RDH10: variants seen among roughly 807,000 people sequenced by gnomAD.
RDH10 encodes the protein retinol dehydrogenase 10 (all-trans).
In RDH10, 12 loss-of-function variants were observed where a neutral mutation model predicts 30.2. The observed-to-expected ratio is 0.40, with a 90% CI of 0.25 to 0.64. The LOEUF (loss-of-function observed/expected upper bound fraction) is 0.64. Ranked by LOEUF, RDH10 falls within the 30% of genes least tolerant of loss-of-function variation. The pLI is 0.43. For synonymous variants in RDH10, 189 were observed against 172.2 expected, an observed-to-expected ratio of 1.10 and a Z score of -0.76; for missense variants, 268 against 445.2, an observed-to-expected ratio of 0.60 and a Z score of 3.58.
chr8:73,310,010 G>A (rs1814535159), intron 2 of RDH10, among the ~76,000 whole-genome samples: 1 of 152,160 alleles, frequency 6.6e-6, no homozygotes, highest in South Asian at 2.1e-4. Flanking sequence ...AACCACCTGA[G>A]GGACGTTGCC....
intron 2 of RDH10, among the ~76,000 whole-genome samples, chr8:73,318,671 A>AT (rs1814715868): frequency 6.6e-6 from 1 of 152,234 alleles, no homozygotes; most frequent in South Asian, 2.1e-4. Flanking sequence ...TAAGGCACAC[A>AT]TTAATACAAG....
At chr8:73,301,042 C>CTTT (rs57107587) in intron 2 of RDH10, among the ~76,000 whole-genome samples, 32 of 87,242 alleles carry the variant, frequency 3.7e-4, no homozygotes, top group African/African-American at 8.1e-4. Flanking sequence ...AAACTCTATT[C>CTTT]TTTTTTTTTT....
At position 73,307,000 on chromosome 8, in the gene RDH10, T is replaced by C. The variant is rs1001371915; in HGVS notation, c.525+9571T>C. On this transcript the variant is annotated intron_variant, in intron 2 of 5. Coordinates refer to ENST00000240285, the MANE Select transcript of RDH10 (RefSeq NM_172037.5). ...TAACATACTGCCCCCTACTGATTTCTTAAGGGTTTTTTACATGGGCTAGTC... is the reference window on the plus strand; with the variant it reads ...TAACATACTGCCCCCTACTGATTTCCTAAGGGTTTTTTACATGGGCTAGTC... 2.8e-4 allele frequency among the ~76,000 whole-genome samples: 42 copies of C among 152,226 alleles called. 1 individual carries two copies. Among genetic ancestry groups the C allele is most frequent in the African/African-American group, 1.0e-3 (42 of 41,456 alleles).
chr8:73,322,875 C>T, intron 5 of RDH10, 38 bp from the exon 6 acceptor site: 1 of 1,613,932 alleles, frequency 6.2e-7, no homozygotes, highest in Admixed American at 1.7e-5. Flanking sequence ...TTAATTGAAA[C>T]TTCAAGTTTG....
intron 2 of RDH10, among the ~76,000 whole-genome samples, chr8:73,302,706 A>C (rs1483682175): frequency 6.6e-6 from 1 of 152,204 alleles, no homozygotes; most frequent in African/African-American, 2.4e-5. Flanking sequence ...AAAGAAAAAT[A>C]TCTCTCTGTA....
At chr8:73,297,764 G>T in intron 2 of RDH10, 1 of 230,340 alleles carries the variant, frequency 4.3e-6, no homozygotes, top group South Asian at 6.7e-5. Context: ...AACATTGGTT[G>T]TTCTTATGAA....
chr8:73,314,563 C>A (rs1027551720), intron 2 of RDH10, among the ~76,000 whole-genome samples: 3 of 152,152 alleles, frequency 2.0e-5, no homozygotes, highest in African/African-American at 7.2e-5. Flanking sequence ...AAAAGAAACC[C>A]GAGTGGTCCT....
In RDH10 at chr8:73,312,032, C is replaced by T. The variant is rs921613179; in HGVS notation, c.526-7064C>T. On this transcript the variant is annotated intron_variant, in intron 2 of 5. Transcript: ENST00000240285. ...TTTTTCAAATAATACTTTCTGTGGTCGAAGTAAAATGTCTAAAGTTTGGTC... is the reference window on the plus strand; with the variant it reads ...TTTTTCAAATAATACTTTCTGTGGTTGAAGTAAAATGTCTAAAGTTTGGTC... 10 of 151,802 alleles carry T rather than the reference C, an allele frequency of 6.6e-5. No homozygotes were observed. In the South Asian group the frequency reaches 8.3e-4, roughly 13 times the overall value. 9.4% of individuals were successfully genotyped at this position (151,802 alleles called of 1,614,324 possible).
chr8:73,303,040 G>C (rs1043385646), intron 2 of RDH10, among the ~76,000 whole-genome samples: 5 of 151,692 alleles, frequency 3.3e-5, no homozygotes, highest in African/African-American at 1.2e-4. Context: ...TGATATGGTA[G>C]TCAGACAAGA....
intron 2 of RDH10, among the ~76,000 whole-genome samples, chr8:73,303,171 T>A (rs569585421): frequency 1.2e-4 from 19 of 152,268 alleles, no homozygotes; most frequent in African/African-American, 4.6e-4. Flanking sequence ...TTAAAATCTA[T>A]CCAGGAAAAG....
chr8:73,308,035 AAT>A (rs1188210531), intron 2 of RDH10, among the ~76,000 whole-genome samples: 2 of 152,112 alleles, frequency 1.3e-5, no homozygotes, highest in Non-Finnish European at 2.9e-5. Context: ...TTTCCTTGAG[AAT>A]AGTGTAGTGC....
chr8:73,295,279 C>A lies in RDH10; in HGVS notation c.-11C>A, dbSNP rs1814239990. 6.4e-7 allele frequency: 1 copy of A among 1,551,896 alleles called. No homozygotes were observed. The highest frequency in any genetic ancestry group is 8.7e-7 in the Non-Finnish European group (1 of 1,152,324). ...CAGGCACTGGGCTCGTGCGGGGCCCCGGGCGTCGCGATGAACATCGTGGTG... is the reference window on the plus strand; with the variant it reads ...CAGGCACTGGGCTCGTGCGGGGCCCAGGGCGTCGCGATGAACATCGTGGTG... On this transcript the variant is annotated 5_prime_UTR_variant, in exon 1 of 6. Transcript: ENST00000240285.
In RDH10 at chr8:73,294,770, C is replaced by A. The variant is rs1320625558; in HGVS notation, c.-520C>A. 6 of 362,412 alleles carry A rather than the reference C, an allele frequency of 1.7e-5. No homozygotes were observed. Among genetic ancestry groups the A allele is most frequent in the African/African-American group, 8.5e-5 (4 of 46,998 alleles). 22.4% of individuals were successfully genotyped at this position (362,412 alleles called of 1,614,324 possible). On this transcript the variant is annotated 5_prime_UTR_variant, in exon 1 of 6. Coordinates refer to ENST00000240285, the MANE Select transcript of RDH10 (RefSeq NM_172037.5). ...GAGCGAGTCTCCCCTTCCCGGCGCT[C>A]CGCCGCCCCGCACCCCACTCTCCCA...
chr8:73,311,207 A>T (rs1211397834), intron 2 of RDH10: 9 of 152,236 alleles, frequency 5.9e-5, no homozygotes, highest in Admixed American at 5.9e-4. Context: ...CTCACAAATG[A>T]GTTTAGTCAA....
rs144377595 is a variant in RDH10, at chr8:73,317,964, T to C, written c.526-1132T>C. On this transcript the variant is annotated intron_variant, in intron 2 of 5. Transcript: ENST00000240285. ...AAAAACCACAAACCCATATTAGGTA[T>C]TCATGCAAAAACTCAGTGATACCGT... Among the ~76,000 whole-genome samples the C allele has an allele frequency of 6.1e-4, 82 of 135,230 alleles. 2 individuals carry two copies. The highest frequency in any genetic ancestry group is 2.2e-3 in the African/African-American group (79 of 35,310). The allele number at this position is 135,230 out of a possible 152,430, so 88.7% of individuals were successfully genotyped here.
chr8:73,311,643 A>G (rs1219985932), intron 2 of RDH10: 1 of 152,198 alleles, frequency 6.6e-6, no homozygotes, highest in East Asian at 1.9e-4. Flanking sequence ...CATGTTTTTA[A>G]AGGGATAGAT....
At chr8:73,312,785 GT>G (rs1435133619) in intron 2 of RDH10, 10 of 152,346 alleles carry the variant, frequency 6.6e-5, no homozygotes, top group African/African-American at 2.4e-4. Context: ...TGCTGGTGGT[GT>G]TGACCTTTCT....
chr8:73,316,953 C>T (rs749985223), intron 2 of RDH10, among the ~76,000 whole-genome samples: 3 of 152,152 alleles, frequency 2.0e-5, no homozygotes, highest in Non-Finnish European at 2.9e-5. Flanking sequence ...CCAGGCCATA[C>T]CTCTGACATT....
intron 4 of RDH10, 106 bp downstream of exon 4, chr8:73,321,183 T>C: frequency 9.1e-7 from 1 of 1,097,550 alleles, no homozygotes; most frequent in African/African-American, 1.6e-5. Flanking sequence ...TTTGACAATC[T>C]GTGGCTTTTA....
Sources: allele counts gnomAD v4.1 joint callset (sites outside exome capture counted in the v4.1 genomes callset), GRCh38; gene constraint gnomAD v4.1.1; transcripts MANE v1.5; gene names NCBI Gene and HGNC (gene_info 2026-07-23, HGNC 2026-07-21).